The following ASPM variants were observed in gnomAD, a reference collection of about 807,000 sequenced individuals.
The protein encoded by ASPM is abnormal spindle-like microcephaly-associated protein.
ASPM carries 256 observed loss-of-function variants against 366.4 expected under a neutral mutation model. That is an observed-to-expected ratio of 0.70 (90% CI 0.63 to 0.77). The LOEUF is 0.77. ASPM is among the 30% of genes least tolerant of loss of function. The probability of loss-of-function intolerance (pLI) is 0.00; values close to 1 mark genes in which losing one functional copy is unlikely to be tolerated. For missense variants in ASPM, 4,146 were observed against 4,090.4 expected (o/e 1.01, Z -0.37); for synonymous variants, 1,414 against 1,342.9 (o/e 1.05, Z -1.16).
rs781353325 is a variant in ASPM at position 197,101,722 on chromosome 1, A to G, written c.7529T>C (p.Ile2510Thr). Reference protein sequence around the residue: ...FQTWKHASILIQQHYRTYRAA... With the variant: ...FQTWKHASILTQQHYRTYRAA... ...TCTATATGTTCGATAATGTTGCTGA[A>G]TTAGAATTGAAGCATGTTTCCAAGT... Residue 2510 changes from isoleucine to threonine, a missense_variant, in exon 18 of 28, where the codon ATT becomes ACT. By Grantham distance (89) the Ile-to-Thr change is moderately conservative. This residue lies in a region of ASPM where 3,624 missense variants were observed against 3,591.7 expected (regional missense o/e 1.01). Transcript: ENST00000367409. 6.2e-7 allele frequency: 1 copy of G among 1,612,184 alleles called. No individual in the cohort carries two copies. The highest frequency in any genetic ancestry group is 8.5e-7 in the Non-Finnish European group (1 of 1,179,028).
At chr1:197,133,240 T>C in intron 6 of ASPM, 110 bp downstream of exon 6, 1 of 1,137,354 alleles carries the variant, frequency 8.8e-7, no homozygotes, top group Non-Finnish European at 1.2e-6. Flanking sequence ...ACCTTAAATA[T>C]ATGCCAGTTT....
In ASPM at chr1:197,124,321, GA is replaced by G. The variant is rs1260870149; in HGVS notation, c.3178del (p.Ser1060ProfsTer4). On this transcript the variant is annotated frameshift_variant, in exon 13 of 28. Transcript: ENST00000367409. LOFTEE classifies it high-confidence loss of function. ...KIAFAFQVDI[S>X]LNLDQLKEEI... ...TTCCTTTAATTGATCTAAGTTAAGG[GA>G]AATATCCACCTAAAACAAACACAAA... The G allele has an allele frequency of 6.4e-7, 1 of 1,569,812 alleles. No individual in the cohort carries two copies. Among genetic ancestry groups the G allele is most frequent in the Non-Finnish European group, 8.7e-7 (1 of 1,142,878 alleles).
chr1:197,090,196 CTAGG>C lies in ASPM; in HGVS notation c.9825_9828del (p.His3275GlnfsTer3). 6.2e-7 allele frequency: 1 copy of C among 1,613,010 alleles called. No homozygotes were observed. Among genetic ancestry groups the C allele is most frequent in the Non-Finnish European group, 8.5e-7 (1 of 1,179,398 alleles). On this transcript the variant is annotated frameshift_variant and splice_region_variant, in exon 24 of 28. Coordinates refer to ENST00000367409, the MANE Select transcript of ASPM (RefSeq NM_018136.5). LOFTEE classifies it high-confidence loss of function. ...TTTAAACATGTTAACACAAACTAAC[CTAGG>C]TGTTTTAAGGCCTCAAGAATGGCAG...
At chr1:197,116,065 G>T (rs556062882) in intron 17 of ASPM, among the ~76,000 whole-genome samples, 1 of 152,252 alleles carries the variant, frequency 6.6e-6, no homozygotes, top group South Asian at 2.1e-4. Flanking sequence ...TTTGTTTAGT[G>T]TAGCCACTTT....
At chr1:197,122,352 G>C (rs772014705) in intron 14 of ASPM, 36 bp downstream of exon 14, 1 of 1,613,042 alleles carries the variant, frequency 6.2e-7, no homozygotes, top group African/African-American at 1.3e-5. Flanking sequence ...AATCAGACAT[G>C]GCAAAAAATT....
At chr1:197,144,530 G>GT (rs1279786170) in intron 1 of ASPM, among the ~76,000 whole-genome samples, 4 of 152,090 alleles carry the variant, frequency 2.6e-5, no homozygotes, top group Non-Finnish European at 5.9e-5. Context: ...TTCCTCTAAG[G>GT]TCCACATCAT....
At chr1:197,134,717 G>A (rs1658365725) in intron 5 of ASPM, among the ~76,000 whole-genome samples, 1 of 152,128 alleles carries the variant, frequency 6.6e-6, no homozygotes, top group Non-Finnish European at 1.5e-5. Flanking sequence ...AACAAACACT[G>A]AAATGTTTAA....
chr1:197,124,181 C>T lies in ASPM; in HGVS notation c.3319G>A (p.Glu1107Lys). The change falls in exon 13 of 28, where the codon GAA (glutamate) becomes AAA (lysine). Residue 1107 changes from glutamate to lysine, a missense_variant. Coordinates refer to ENST00000367409, the MANE Select transcript of ASPM (RefSeq NM_018136.5). The stretch of plus-strand genomic sequence containing the variant: ...AACTTTATGTTTTCACTATATTGTT[C>T]AAAGGAACCACTATCCCTTTTGCCT... Reference protein sequence around the residue: ...KKGKRDSGSFEQYSENIKLLM... With the variant: ...KKGKRDSGSFKQYSENIKLLM... 1 of 1,612,714 alleles carries T rather than the reference C, an allele frequency of 6.2e-7. No homozygotes were observed. The highest frequency in any genetic ancestry group is 8.5e-7 in the Non-Finnish European group (1 of 1,179,142).
intron 1 of ASPM, among the ~76,000 whole-genome samples, chr1:197,145,088 G>T (rs928475574): frequency 3.9e-5 from 6 of 152,170 alleles, no homozygotes; most frequent in Admixed American, 3.3e-4. Flanking sequence ...GTTCTGAAGT[G>T]TAGATAGATG....
chr1:197,119,863 C>T (rs12116571), intron 16 of ASPM, among the ~76,000 whole-genome samples: 12,783 of 152,106 alleles, frequency 0.084, 682 homozygotes, highest in Middle Eastern at 0.12. Context: ...TGAGCCACTC[C>T]ATTAATAGAT....
In ASPM at chr1:197,104,133, T is replaced by C. The variant is rs1199509120; in HGVS notation, c.5118A>G (p.Leu1706=). Reference sequence around the variant, plus strand: ...TGGAACGGTAACATTGCTGGATAAATAGTGCAGCTGCTCTTAAATGCAAAT... The same window carrying C: ...TGGAACGGTAACATTGCTGGATAAACAGTGCAGCTGCTCTTAAATGCAAAT... The part of the protein sequence containing the change: ...KQYLHLRAAA[L]FIQQCYRSKK... The change falls in exon 18 of 28, where the codon CTA becomes CTG. Residue 1706 remains leucine (L), a synonymous_variant. Transcript: ENST00000367409. 1.2e-6 allele frequency: 2 copies of C among 1,612,950 alleles called. No homozygotes were observed. Among genetic ancestry groups the C allele is most frequent in the South Asian group, 1.1e-5 (1 of 91,058 alleles).
At chr1:197,137,113 T>C (rs1658442191) in intron 4 of ASPM, among the ~76,000 whole-genome samples, 1 of 152,208 alleles carries the variant, frequency 6.6e-6, no homozygotes, top group South Asian at 2.1e-4. Flanking sequence ...ATTTCAATTT[T>C]AATAACATTG....
intron 16 of ASPM, 48 bp from the exon 17 acceptor site, chr1:197,118,031 CTTAAA>C (rs754149060): frequency 9.2e-6 from 14 of 1,516,938 alleles, no homozygotes; most frequent in Non-Finnish European, 1.3e-5. Flanking sequence ...CACTTAAGAC[CTTAAA>C]TTATTCTTTG....
At chr1:197,126,351 G>A (rs753431074) in intron 10 of ASPM, among the ~76,000 whole-genome samples, 1 of 147,484 alleles carries the variant, frequency 6.8e-6, no homozygotes, top group Middle Eastern at 3.6e-3. Flanking sequence ...TGAGGCAGGA[G>A]AATCGCTAGA....
rs1658794723 is a variant in ASPM at position 197,146,536 on chromosome 1, G to A, written c.-99C>T. On this transcript the variant is annotated 5_prime_UTR_variant, in exon 1 of 28. Coordinates refer to ENST00000367409, the MANE Select transcript of ASPM (RefSeq NM_018136.5). The stretch of plus-strand genomic sequence containing the variant: ...TTACGCTGACCGCTTCCCCTCAGGG[G>A]CGGCTGTAGAGGTCGTGGGAGTGAA... The A allele has an allele frequency of 1.4e-6, 2 of 1,390,268 alleles. No homozygotes were observed. The highest frequency in any genetic ancestry group is 2.8e-5 in the African/African-American group (2 of 70,634). 86.1% of individuals were successfully genotyped at this position (1,390,268 alleles called of 1,614,324 possible). A position where few individuals can be genotyped will look rare whatever the true frequency, so the allele number is the denominator to read the frequency against.
In ASPM at chr1:197,143,426, C is replaced by T; in HGVS notation, c.826G>A (p.Val276Ile). The T allele has an allele frequency of 6.2e-7, 1 of 1,613,990 alleles. No homozygotes were observed. Among genetic ancestry groups the T allele is most frequent in the Non-Finnish European group, 8.5e-7 (1 of 1,179,882 alleles). Residue 276 changes from valine to isoleucine, a missense_variant, in exon 3 of 28, where the codon GTA (valine) becomes ATA (isoleucine). Val to Ile is a conservative substitution (Grantham distance 29, BLOSUM62 3). Coordinates refer to ENST00000367409, the MANE Select transcript of ASPM (RefSeq NM_018136.5). ...ACGGAATTAAAGGAAGTTTCAGTTA[C>T]AGCTTTCTCATTAAAAGAAACTTTT... ...VSKVSFNEKA[V>I]TETSFNSVNV...
intron 3 of ASPM, among the ~76,000 whole-genome samples, chr1:197,140,485 CA>C (rs1658547365): frequency 6.6e-6 from 1 of 152,160 alleles, no homozygotes; most frequent in Non-Finnish European, 1.5e-5. Flanking sequence ...GTTATGAGAA[CA>C]AATTTATGAG....
chr1:197,127,940 C>A (rs926663768), intron 10 of ASPM, among the ~76,000 whole-genome samples: 3 of 152,006 alleles, frequency 2.0e-5, no homozygotes, highest in African/African-American at 7.2e-5. Context: ...CCGAGGCAGG[C>A]GGATCACGAG....
rs587783292 is a variant in ASPM, at chr1:197,091,032, G to A, written c.9454C>T (p.Arg3152Ter). Reference sequence around the variant, plus strand: ...AATCTCTTTTCTTGTAATCTTGCTCGAAACCATCTCTGTTTAAAACATAGA... The same window carrying A: ...AATCTCTTTTCTTGTAATCTTGCTCAAAACCATCTCTGTTTAAAACATAGA... Reference protein sequence around the residue: ...NSVICIQRWFRARLQEKRFIQ... With the variant: ...NSVICIQRWF The change falls in exon 23 of 28, where the codon CGA becomes TGA. Residue 3152 changes from arginine (R) to a stop codon, truncating the protein, a stop_gained. Coordinates refer to ENST00000367409, the MANE Select transcript of ASPM (RefSeq NM_018136.5). LOFTEE classifies it high-confidence loss of function. The A allele has an allele frequency of 5.0e-6, 8 of 1,609,014 alleles. No homozygotes were observed. Among genetic ancestry groups the A allele is most frequent in the African/African-American group, 1.3e-5 (1 of 74,708 alleles).
Sources: allele counts gnomAD v4.1 joint callset (sites outside exome capture counted in the v4.1 genomes callset), GRCh38; gene constraint gnomAD v4.1.1; regional missense constraint gnomAD v4.1.1; transcripts MANE v1.5; gene names NCBI Gene and HGNC (gene_info 2026-07-23, HGNC 2026-07-21).